The following PKD2L2 variants were observed in gnomAD, a reference collection of about 807,000 sequenced individuals.
The protein encoded by PKD2L2 is polycystin 2 like 2, transient receptor potential cation channel, also known as polycystin-2-like protein 2.
In PKD2L2, 67 loss-of-function variants were observed where a neutral mutation model predicts 83.9. The ratio of observed to expected loss-of-function variants is 0.80; its 90% CI spans 0.66 to 0.98. The LOEUF is 0.98. PKD2L2 is among the 50% of genes least tolerant of loss of function. The pLI, the probability that PKD2L2 is intolerant of heterozygous loss-of-function variation, is 0.00. For missense variants in PKD2L2, 632 were observed against 717.2 expected, an observed-to-expected ratio of 0.88 and a Z score of 1.36; for synonymous variants, 223 against 237.8, an observed-to-expected ratio of 0.94 and a Z score of 0.57.
In PKD2L2 at chr5:137,910,161, G is replaced by A. The variant is rs543610677; in HGVS notation, c.1328+1215G>A. On this transcript the variant is annotated intron_variant, in intron 8 of 14. Coordinates refer to ENST00000508883, the MANE Select transcript of PKD2L2 (RefSeq NM_001300921.2). ...GGATCACTTGAGCCTGGGAGTTTGA[G>A]GTTACAGTGAGCTATGATCACACCA... Among the ~76,000 whole-genome samples, 11 of 151,594 alleles carry A rather than the reference G, an allele frequency of 7.3e-5. No homozygotes were observed. The South Asian group carries it at 2.3e-3, about 31-fold the overall frequency.
In PKD2L2 at chr5:137,929,534, C is replaced by CAAAAAAAA. The variant is rs756601170; in HGVS notation, c.1671+3623_1671+3630dup. ...ATATATTTCTATAGGACAAAATTGCCAAAAAAAAAAAAAAAAAAAAAAAAA... is the reference window on the plus strand; with the variant it reads ...ATATATTTCTATAGGACAAAATTGCCAAAAAAAAAAAAAAAAAAAAAAAAAAAAAAAAA... On this transcript the variant is annotated intron_variant, in intron 12 of 14. Coordinates refer to ENST00000508883, the MANE Select transcript of PKD2L2 (RefSeq NM_001300921.2). Among the ~76,000 whole-genome samples, 9 of 3,440 alleles carry CAAAAAAAA rather than the reference C, an allele frequency of 2.6e-3. 1 individual carries two copies. The highest frequency in any genetic ancestry group is 7.7e-3 in the East Asian group (1 of 130). The allele number at this position is 3,440 out of a possible 152,430, so 2.3% of individuals were successfully genotyped here.
intron 8 of PKD2L2, among the ~76,000 whole-genome samples, chr5:137,915,861 C>T (rs1758282392): frequency 6.6e-6 from 1 of 152,100 alleles, no homozygotes; most frequent in Non-Finnish European, 1.5e-5. Context: ...TTACTAAGAA[C>T]TGTGTTCCTT....
intron 7 of PKD2L2, 57 bp downstream of exon 7, chr5:137,907,969 T>C: frequency 3.8e-6 from 3 of 783,886 alleles, no homozygotes; most frequent in Non-Finnish European, 5.6e-6. Flanking sequence ...TAATGAAAAA[T>C]TAAACTAAAA....
Position 137,894,375 on chromosome 5 carries a change from A to G in PKD2L2, c.290A>G (p.Glu97Gly). The G allele has an allele frequency of 6.2e-7, 1 of 1,606,254 alleles. No individual in the cohort carries two copies. The highest frequency in any genetic ancestry group is 8.5e-7 in the Non-Finnish European group (1 of 1,178,602). Residue 97 changes from glutamate to glycine, a missense_variant, in exon 4 of 15, where the codon GAA (glutamate) becomes GGA (glycine). By Grantham distance (98) the Glu-to-Gly change is moderately conservative (BLOSUM62 -2). This residue lies in a region of PKD2L2 where 229 missense variants were observed against 281.5 expected (regional missense o/e 0.81). Coordinates refer to ENST00000508883, the MANE Select transcript of PKD2L2 (RefSeq NM_001300921.2). ...GAGTTTATGGAAGGACCCCTTTTGG[A>G]AGGTCTGTACTGGGATTCATGGTAC... is the stretch of plus-strand genomic sequence containing the variant. ...FWKFMEGPLL[E>G]GLYWDSWYNN...
At position 137,899,663 on chromosome 5, in the gene PKD2L2, C is replaced by G. The variant is rs1756791655; in HGVS notation, c.672C>G (p.Ile224Met). Residue 224 changes from isoleucine to methionine, a missense_variant, in exon 5 of 15, where the codon ATC becomes ATG. By Grantham distance (10) the Ile-to-Met change is conservative. Around this residue, in one of 3 missense-constraint regions of PKD2L2, gnomAD observed 229 missense variants for 281.5 expected, o/e 0.81. Transcript: ENST00000508883. ...KFIDLRLNSW[I>M]TRGTRVIFID... ...TTGACCTTCGACTGAACAGCTGGAT[C>G]ACAAGAGGGACTAGAGTTATTTTTA... The G allele has an allele frequency of 6.2e-7, 1 of 1,613,116 alleles. No individual in the cohort carries two copies. Among genetic ancestry groups the G allele is most frequent in the Non-Finnish European group, 8.5e-7 (1 of 1,179,214 alleles).
intron 12 of PKD2L2, 84 bp from the exon 13 acceptor site, chr5:137,935,713 C>T (rs937420904): frequency 3.0e-5 from 22 of 745,750 alleles, no homozygotes; most frequent in Middle Eastern, 4.7e-4. Flanking sequence ...AGCTTAAGAT[C>T]CTCAATCCTG....
intron 5 of PKD2L2, among the ~76,000 whole-genome samples, chr5:137,904,602 T>G (rs1035422913): frequency 3.3e-5 from 5 of 151,872 alleles, no homozygotes; most frequent in Non-Finnish European, 4.4e-5. Flanking sequence ...CAACAGACAC[T>G]GGGGCCTACT....
At chr5:137,904,784 A>T (rs1279843812) in intron 5 of PKD2L2, among the ~76,000 whole-genome samples, 2 of 152,196 alleles carry the variant, frequency 1.3e-5, no homozygotes, top group Non-Finnish European at 2.9e-5. Context: ...TTTACTTTAA[A>T]TCAGTGAGCC....
chr5:137,912,805 C>CTTTTT lies in PKD2L2; in HGVS notation c.1328+3871_1328+3875dup, dbSNP rs1200762684. Among the ~76,000 whole-genome samples the CTTTTT allele has an allele frequency of 1.8e-3, 218 of 124,372 alleles. 1 individual carries two copies. In the South Asian group the frequency reaches 0.03, roughly 17 times the overall value. 81.6% of individuals were successfully genotyped at this position (124,372 alleles called of 152,430 possible). A position where few individuals can be genotyped will look rare whatever the true frequency, so the allele number is the denominator to read the frequency against. On this transcript the variant is annotated intron_variant, in intron 8 of 14. Transcript: ENST00000508883. ...ATTGGATTATTTGTTTTCTTTCTTT[C>CTTTTT]TTTTTTTTTTTTTTTTGAGATGGAG... is the stretch of plus-strand genomic sequence containing the variant.
chr5:137,921,264 G>C (rs1474029661), intron 8 of PKD2L2, among the ~76,000 whole-genome samples: 2 of 151,830 alleles, frequency 1.3e-5, no homozygotes, highest in Non-Finnish European at 2.9e-5. Flanking sequence ...GGGAGTCTGA[G>C]GCAGGAGTAT....
In PKD2L2 at chr5:137,894,531, C is replaced by A; in HGVS notation, c.446C>A (p.Ser149Tyr). The part of the protein sequence containing the change: ...NTCKVYSSFQ[S>Y]LMSECYGKYT... ...TGCAAAGTCTATTCATCTTTTCAGT[C>A]TTTGATGAGTGAATGTTATGGCAAA... The change falls in exon 4 of 15, where the codon TCT (serine) becomes TAT (tyrosine). Residue 149 changes from serine to tyrosine, a missense_variant. Physicochemically the swap from Ser to Tyr is moderately radical, Grantham distance 144. Coordinates refer to ENST00000508883, the MANE Select transcript of PKD2L2 (RefSeq NM_001300921.2). 1 of 1,613,410 alleles carries A rather than the reference C, an allele frequency of 6.2e-7. No homozygotes were observed. Among genetic ancestry groups the A allele is most frequent in the Non-Finnish European group, 8.5e-7 (1 of 1,179,396 alleles).
intron 2 of PKD2L2, among the ~76,000 whole-genome samples, chr5:137,892,261 G>A (rs1229265849): frequency 1.3e-5 from 2 of 152,184 alleles, no homozygotes; most frequent in Admixed American, 6.5e-5. Flanking sequence ...CTTTATAAAT[G>A]TGTATGCATA....
chr5:137,893,811 T>C lies in PKD2L2; in HGVS notation c.268-542T>C, dbSNP rs1486701291. Among the ~76,000 whole-genome samples, 10 of 152,252 alleles carry C rather than the reference T, an allele frequency of 6.6e-5. No individual in the cohort carries two copies. The East Asian group carries it at 1.7e-3, about 26-fold the overall frequency. Reference sequence around the variant, plus strand: ...TTAGGCTAGGTGAAATAGGAAACAATAATAAAAGAGGTGGAGGTCACCTTG... The same window carrying C: ...TTAGGCTAGGTGAAATAGGAAACAACAATAAAAGAGGTGGAGGTCACCTTG... On this transcript the variant is annotated intron_variant, in intron 3 of 14. Coordinates refer to ENST00000508883, the MANE Select transcript of PKD2L2 (RefSeq NM_001300921.2).
At chr5:137,942,047 T>C (rs1761999817) in intron 14 of PKD2L2, 1 of 1,609,894 alleles carries the variant, frequency 6.2e-7, no homozygotes, top group Non-Finnish European at 8.5e-7. Context: ...AATTCAGGCC[T>C]AGAATTGAAA....
At position 137,890,596 on chromosome 5, in the gene PKD2L2, T is replaced by A. The variant is rs756825569; in HGVS notation, c.133+14T>A. 6 of 1,053,340 alleles carry A rather than the reference T, an allele frequency of 5.7e-6. No homozygotes were observed. Among genetic ancestry groups the A allele is most frequent in the African/African-American group, 1.6e-5 (1 of 60,928 alleles). 65.2% of individuals were successfully genotyped at this position (1,053,340 alleles called of 1,614,324 possible). A position where few individuals can be genotyped will look rare whatever the true frequency, so the allele number is the denominator to read the frequency against. ...ACCTATGTATATGTAAGTACACAGA[T>A]ATAAAGATGCTGTTTGTTTGAACTA... On this transcript the variant is annotated intron_variant, in intron 2 of 14. Transcript: ENST00000508883.
At chr5:137,934,001 C>T (rs1760096046) in intron 12 of PKD2L2, among the ~76,000 whole-genome samples, 1 of 152,086 alleles carries the variant, frequency 6.6e-6, no homozygotes, top group Admixed American at 6.6e-5. Flanking sequence ...CCCCTGCTAC[C>T]AATTATTCAT....
intron 8 of PKD2L2, among the ~76,000 whole-genome samples, chr5:137,916,300 C>A (rs2150035612): frequency 6.6e-6 from 1 of 152,064 alleles, no homozygotes; most frequent in East Asian, 1.9e-4. Flanking sequence ...CTCAGTTTCC[C>A]AAGTAGCTGG....
chr5:137,916,641 G>A (rs147105561), intron 8 of PKD2L2, among the ~76,000 whole-genome samples: 43 of 151,512 alleles, frequency 2.8e-4, no homozygotes, highest in East Asian at 1.4e-3. Flanking sequence ...CACCACACCC[G>A]GCTAATTTTT....
At chr5:137,905,530 G>A (rs972201242) in intron 5 of PKD2L2, among the ~76,000 whole-genome samples, 4 of 152,146 alleles carry the variant, frequency 2.6e-5, no homozygotes, top group African/African-American at 9.7e-5. Context: ...TTGTAATATT[G>A]TGATAGAAAT....
Sources: gnomAD v4.1 joint callset for allele counts (sites outside exome capture counted in the v4.1 genomes callset) on GRCh38, gnomAD v4.1.1 for gene constraint, gnomAD v4.1.1 regional missense constraint, MANE v1.5 for transcripts, NCBI Gene and HGNC (gene_info 2026-07-23, HGNC 2026-07-21) for gene names.